Variants in ANKFN1 observed in about 807,000 individuals in gnomAD.
ANKFN1 encodes the protein ankyrin repeat and fibronectin type III domain containing 1.
A neutral mutation model predicts 108.7 loss-of-function variants in ANKFN1; 74 were observed. The observed-to-expected ratio is 0.68, with a 90% CI of 0.56 to 0.83. The LOEUF (loss-of-function observed/expected upper bound fraction) is 0.83. Among genes scored for constraint, ANKFN1 ranks in the 40% least tolerant of loss-of-function variants. The pLI is 0.00. For missense variants in ANKFN1, 1,505 were observed against 1,382.3 expected, an observed-to-expected ratio of 1.09 and a Z score of -1.41; for synonymous variants, 547 against 516.2, an observed-to-expected ratio of 1.06 and a Z score of -0.81.
At chr17:56,120,784 C>G (rs80287550) in intron 4 of ANKFN1, among the ~76,000 whole-genome samples, 2 of 152,090 alleles carry the variant, frequency 1.3e-5, no homozygotes, top group Non-Finnish European at 2.9e-5. Context: ...CCATTATCAG[C>G]TCCATTTCTT....
intron 18 of ANKFN1, among the ~76,000 whole-genome samples, chr17:56,487,119 T>C (rs2050880444): frequency 6.6e-6 from 1 of 152,130 alleles, no homozygotes; most frequent in Non-Finnish European, 1.5e-5. Context: ...CAAGATAAAT[T>C]GTCCTATTGG....
At chr17:56,172,525 G>C (rs1016220723) in intron 1 of ANKFN1, among the ~76,000 whole-genome samples, 8 of 152,072 alleles carry the variant, frequency 5.3e-5, no homozygotes, top group Non-Finnish European at 1.0e-4. Flanking sequence ...ACAAAAGGCA[G>C]GGCCATGAAA....
chr17:56,282,350 T>C (rs1381560527), intron 3 of ANKFN1, among the ~76,000 whole-genome samples: 7 of 151,994 alleles, frequency 4.6e-5, no homozygotes, highest in Non-Finnish European at 8.8e-5. Flanking sequence ...ACTAGACCTC[T>C]CTGGGGTGCT....
At chr17:56,417,439 G>A (rs941301473) in intron 8 of ANKFN1, among the ~76,000 whole-genome samples, 1 of 152,120 alleles carries the variant, frequency 6.6e-6, no homozygotes, top group Non-Finnish European at 1.5e-5. Context: ...CCTTGTCCCT[G>A]CTGTTTCTCA....
intron 15 of ANKFN1, among the ~76,000 whole-genome samples, chr17:56,467,787 GAA>G (rs1188059344): frequency 0.01 from 791 of 75,566 alleles, 22 homozygotes; most frequent in African/African-American, 0.053. Flanking sequence ...AAGAAAGAAA[GAA>G]AGAAGAAAGA....
intron 3 of ANKFN1, among the ~76,000 whole-genome samples, chr17:56,272,924 C>T (rs1054801600): frequency 6.6e-6 from 1 of 152,096 alleles, no homozygotes; most frequent in Non-Finnish European, 1.5e-5. Context: ...CATTTGTTTC[C>T]TTTACATTTT....
chr17:56,390,840 G>A (rs2047405948), intron 8 of ANKFN1, among the ~76,000 whole-genome samples: 1 of 151,946 alleles, frequency 6.6e-6, no homozygotes, highest in Non-Finnish European at 1.5e-5. Context: ...CCACATAAAT[G>A]TCTTCAGAGA....
intron 8 of ANKFN1, among the ~76,000 whole-genome samples, chr17:56,440,073 A>G (rs2049049498): frequency 8.8e-6 from 1 of 114,180 alleles, no homozygotes; most frequent in Non-Finnish European, 1.9e-5. Context: ...AATATACATT[A>G]TATTTATCAA....
chr17:56,218,762 C>A (rs887816273), intron 2 of ANKFN1, among the ~76,000 whole-genome samples: 4 of 152,126 alleles, frequency 2.6e-5, no homozygotes, highest in Non-Finnish European at 4.4e-5. Context: ...CAGTCCCTCT[C>A]CCTGGAATTC....
intron 1 of ANKFN1, among the ~76,000 whole-genome samples, chr17:56,156,884 T>C (rs939410694): frequency 1.2e-4 from 19 of 152,338 alleles, no homozygotes; most frequent in African/African-American, 4.3e-4. Context: ...GCAGAGTTGA[T>C]TAGTTACAAC....
chr17:56,110,632 T>C (rs1182395496), intron 4 of ANKFN1, among the ~76,000 whole-genome samples: 1 of 152,194 alleles, frequency 6.6e-6, no homozygotes, highest in African/African-American at 2.4e-5. Context: ...AGTGAATGAA[T>C]GAATGAAGGC....
chr17:56,109,935 T>C (rs998795530), intron 4 of ANKFN1, among the ~76,000 whole-genome samples: 1 of 152,198 alleles, frequency 6.6e-6, no homozygotes, highest in African/African-American at 2.4e-5. Context: ...CAGCTATGGG[T>C]CAAGCTAGCT....
At chr17:56,372,969 A>G in intron 7 of ANKFN1, 129 bp downstream of exon 7, 5 of 934,014 alleles carry the variant, frequency 5.4e-6, no homozygotes, top group Non-Finnish European at 7.8e-6. Flanking sequence ...GCCTGTATGG[A>G]GCAAGGGCTC....
At chr17:56,106,344 G>A (rs550959337) in intron 4 of ANKFN1, among the ~76,000 whole-genome samples, 3 of 152,308 alleles carry the variant, frequency 2.0e-5, no homozygotes, top group East Asian at 3.9e-4. Context: ...ACAACAGTAA[G>A]TGAGATGAGT....
intron 15 of ANKFN1, among the ~76,000 whole-genome samples, chr17:56,470,357 T>C (rs967461823): frequency 6.6e-6 from 1 of 152,206 alleles, no homozygotes; most frequent in African/African-American, 2.4e-5. Context: ...CTTTGAGGAA[T>C]TGCCACACCA....
rs754640116 is a variant in ANKFN1 at position 56,515,109 on chromosome 17, G to T, written c.*3840G>T. 6.6e-6 allele frequency among the ~76,000 whole-genome samples: 1 copy of T among 151,964 alleles called. No individual in the cohort carries two copies. Among genetic ancestry groups the T allele is most frequent in the African/African-American group, 2.4e-5 (1 of 41,366 alleles). On this transcript the variant is annotated 3_prime_UTR_variant, in exon 21 of 21. Coordinates refer to ENST00000682825, the MANE Select transcript of ANKFN1 (RefSeq NM_001370326.1). ...CTCCAAGAGAAGGTATGTCTGCAAC[G>T]CATTTAAGTTGCCTAGTTATGTCAA...
At chr17:56,116,909 T>C (rs1906316939) in intron 4 of ANKFN1, among the ~76,000 whole-genome samples, 1 of 152,134 alleles carries the variant, frequency 6.6e-6, no homozygotes, top group Non-Finnish European at 1.5e-5. Context: ...GGAATGCTGG[T>C]CATATTCTGT....
intron 20 of ANKFN1, among the ~76,000 whole-genome samples, chr17:56,508,424 G>T (rs1195870054): frequency 6.6e-6 from 1 of 152,122 alleles, no homozygotes; most frequent in Non-Finnish European, 1.5e-5. Flanking sequence ...ACAAAGAAAT[G>T]TACAGGAAAT....
At chr17:56,404,101 CCTT>C (rs2047844738) in intron 8 of ANKFN1, among the ~76,000 whole-genome samples, 2 of 152,150 alleles carry the variant, frequency 1.3e-5, no homozygotes, top group South Asian at 4.2e-4. Context: ...AAGATTCTTT[CCTT>C]CTTCTTAACT....
Sources: allele counts gnomAD v4.1 joint callset (sites outside exome capture counted in the v4.1 genomes callset), GRCh38; gene constraint gnomAD v4.1.1; transcripts MANE v1.5; gene names NCBI Gene and HGNC (gene_info 2026-07-23, HGNC 2026-07-21).